SGO2: variants seen among roughly 807,000 people sequenced by gnomAD.
The protein encoded by SGO2 is shugoshin-like 2.
SGO2 carries 68 observed loss-of-function variants against 99.5 expected under a neutral mutation model. The observed-to-expected ratio is 0.68, with a 90% CI of 0.56 to 0.84. The LOEUF is 0.84. SGO2 is among the 40% of genes least tolerant of loss of function. SGO2 has a pLI of 0.00. For missense variants in SGO2, 1,350 were observed against 1,436.7 expected, an observed-to-expected ratio of 0.94 and a Z score of 0.97; for synonymous variants, 457 against 487.1, an observed-to-expected ratio of 0.94 and a Z score of 0.81.
At chr2:200,577,802 C>A (rs1047355243) in intron 8 of SGO2, among the ~76,000 whole-genome samples, 1 of 151,974 alleles carries the variant, frequency 6.6e-6, no homozygotes, top group South Asian at 2.1e-4. Flanking sequence ...GCTTTTTTGG[C>A]AAATATTTCA....
At position 200,572,471 on chromosome 2, in the gene SGO2, A is replaced by C. The variant is rs1302953404; in HGVS notation, c.2125A>C (p.Asn709His). 3.7e-6 allele frequency: 6 copies of C among 1,613,166 alleles called. No individual in the cohort carries two copies. Among genetic ancestry groups the C allele is most frequent in the Non-Finnish European group, 5.1e-6 (6 of 1,179,404 alleles). The change falls in exon 7 of 9, where the codon AAT becomes CAT. Residue 709 changes from asparagine (N) to histidine (H), a missense_variant. Physicochemically the swap from Asn to His is moderately conservative, Grantham distance 68 (BLOSUM62 1). Transcript: ENST00000357799. ...CGTTCAGCAAAATGAATCAAAAGTT[A>C]ATAAGAAGCTTAGGCAGAAAGTAAA... is the stretch of plus-strand genomic sequence containing the variant. ...YPVQQNESKVNKKLRQKVNRK... is the reference protein window; with the variant it reads ...YPVQQNESKVHKKLRQKVNRK...
intron 5 of SGO2, among the ~76,000 whole-genome samples, chr2:200,560,235 G>A (rs1460517837): frequency 6.6e-6 from 1 of 152,128 alleles, no homozygotes. Context: ...ATACATTTAG[G>A]ACTGATTTGT....
chr2:200,539,752 A>T (rs1393844088), intron 4 of SGO2, among the ~76,000 whole-genome samples: 3 of 152,136 alleles, frequency 2.0e-5, no homozygotes, highest in African/African-American at 7.2e-5. Context: ...GTCTCTATCA[A>T]GTTTGGAAAA....
At position 200,570,478 on chromosome 2, in the gene SGO2, A is replaced by ATGTGTGTGTGTG. The variant is rs71022323; in HGVS notation, c.704-551_704-540dup. ...TTAGAATTGTTTTTCCTTTCTGAAA[A>ATGTGTGTGTGTG]TGTGTGTGTGTGTGTGTGTGTGTGT... On this transcript the variant is annotated intron_variant, in intron 6 of 8. Coordinates refer to ENST00000357799, the MANE Select transcript of SGO2 (RefSeq NM_152524.6). The surrounding 1 kb of genome is among the most constrained non-coding windows in gnomAD (Gnocchi z 4.4). 0.021 allele frequency among the ~76,000 whole-genome samples: 2,997 copies of ATGTGTGTGTGTG among 142,782 alleles called. 109 individuals are homozygous for ATGTGTGTGTGTG. Among genetic ancestry groups the ATGTGTGTGTGTG allele is most frequent in the African/African-American group, 0.068 (2,630 of 38,572 alleles). 93.7% of individuals were successfully genotyped at this position (142,782 alleles called of 152,430 possible). A position where few individuals can be genotyped will look rare whatever the true frequency, so the allele number is the denominator to read the frequency against.
chr2:200,548,920 A>G (rs2032351268), intron 5 of SGO2, among the ~76,000 whole-genome samples: 3 of 152,190 alleles, frequency 2.0e-5, no homozygotes, highest in African/African-American at 7.2e-5. Flanking sequence ...ACAAACCAAT[A>G]ACAAGTAATG....
rs1345055328 is a variant in SGO2 at position 200,575,321 on chromosome 2, A to G, written c.3642A>G (p.Pro1214=). 2 of 1,573,828 alleles carry G rather than the reference A, an allele frequency of 1.3e-6. No homozygotes were observed. Among genetic ancestry groups the G allele is most frequent in the African/African-American group, 1.4e-5 (1 of 73,514 alleles). Residue 1214 remains proline (P), a synonymous_variant, in exon 8 of 9, where the codon CCA becomes CCG. Coordinates refer to ENST00000357799, the MANE Select transcript of SGO2 (RefSeq NM_152524.6). The part of the protein sequence containing the change: ...RTQKSGIGDR[P]LQDLSNTSFV... ...AATATTCTTTTTCAGGTGATAGACC[A>G]TTACAGGACTTGTCAAATACCAGTT...
chr2:200,563,085 T>TC (rs1399363887), intron 5 of SGO2, among the ~76,000 whole-genome samples: 1 of 152,204 alleles, frequency 6.6e-6, no homozygotes, highest in Non-Finnish European at 1.5e-5. Context: ...GGCCAGAACT[T>TC]CCAACACTAT....
intron 5 of SGO2, among the ~76,000 whole-genome samples, chr2:200,546,147 A>G (rs1365926851): frequency 6.6e-6 from 1 of 151,626 alleles, no homozygotes; most frequent in Non-Finnish European, 1.5e-5. Flanking sequence ...GGAGCCAAAA[A>G]GAAGGCAGCA....
At chr2:200,544,718 T>TCTAC (rs778644646) in intron 5 of SGO2, among the ~76,000 whole-genome samples, 38 of 151,818 alleles carry the variant, frequency 2.5e-4, no homozygotes, top group Non-Finnish European at 5.3e-4. Flanking sequence ...TATCTATCTA[T>TCTAC]CTATCTATCT....
chr2:200,544,703 CTA>C (rs2032130884), intron 5 of SGO2, among the ~76,000 whole-genome samples: 2 of 151,844 alleles, frequency 1.3e-5, no homozygotes, highest in South Asian at 2.1e-4. Context: ...ATCTATCTAT[CTA>C]TCTATCTATC....
intron 5 of SGO2, among the ~76,000 whole-genome samples, chr2:200,550,381 C>G (rs112046031): frequency 0.047 from 7,185 of 152,182 alleles, 231 homozygotes; most frequent in Non-Finnish European, 0.069. Flanking sequence ...GCAAAAGACC[C>G]TGAGTAACCA....
At chr2:200,579,297 TATC>T (rs2033762715) in intron 8 of SGO2, among the ~76,000 whole-genome samples, 1 of 152,224 alleles carries the variant, frequency 6.6e-6, no homozygotes, top group Admixed American at 6.5e-5. Flanking sequence ...TATAGTATGA[TATC>T]ATCTGAAAAT....
chr2:200,548,852 A>G (rs1017252987), intron 5 of SGO2, among the ~76,000 whole-genome samples: 2 of 152,368 alleles, frequency 1.3e-5, no homozygotes, highest in Admixed American at 1.3e-4. Context: ...AGAAATGAAT[A>G]CATTTTTGGA....
chr2:200,539,744 C>T (rs1029522644), intron 4 of SGO2, among the ~76,000 whole-genome samples: 2 of 152,016 alleles, frequency 1.3e-5, no homozygotes, highest in African/African-American at 4.8e-5. Flanking sequence ...AGGTTGATGT[C>T]TCTATCAAGT....
At chr2:200,558,661 T>A (rs1278408595) in intron 5 of SGO2, among the ~76,000 whole-genome samples, 14 of 152,068 alleles carry the variant, frequency 9.2e-5, no homozygotes, top group Admixed American at 9.2e-4. Flanking sequence ...ATTTATAGTA[T>A]GCCGGTCACT....
At chr2:200,579,561 T>C (rs2033769868) in intron 8 of SGO2, among the ~76,000 whole-genome samples, 1 of 152,214 alleles carries the variant, frequency 6.6e-6, no homozygotes, top group Non-Finnish European at 1.5e-5. Flanking sequence ...TGAGTGTTTT[T>C]ATCATGAATG....
At chr2:200,559,549 C>T (rs879883450) in intron 5 of SGO2, among the ~76,000 whole-genome samples, 1 of 152,012 alleles carries the variant, frequency 6.6e-6, no homozygotes. Context: ...AAAAAATAAG[C>T]ATTTAAGGTT....
chr2:200,572,269 A>T lies in SGO2; in HGVS notation c.1923A>T (p.Leu641=), dbSNP rs2033457224. Residue 641 remains leucine, a synonymous_variant, in exon 7 of 9, where the codon CTA becomes CTT. Transcript: ENST00000357799. ...EDNDKDVVHG[L]KKGNFFFKTQ... is the part of the protein sequence containing the mutation. The stretch of plus-strand genomic sequence containing the variant: ...ATGATAAAGATGTGGTGCATGGCCT[A>T]AAAAAAGGTAATTTTTTTTTCAAAA... 1.9e-6 allele frequency: 3 copies of T among 1,610,198 alleles called. No homozygotes were observed. The highest frequency in any genetic ancestry group is 1.7e-5 in the Admixed American group (1 of 59,426).
At chr2:200,537,017 T>C (rs1394619066) in intron 4 of SGO2, among the ~76,000 whole-genome samples, 2 of 152,120 alleles carry the variant, frequency 1.3e-5, no homozygotes, top group Non-Finnish European at 2.9e-5. Context: ...AAAGATAGCA[T>C]GCTATACCAG....
Sources: allele counts gnomAD v4.1 joint callset (sites outside exome capture counted in the v4.1 genomes callset), GRCh38; gene constraint gnomAD v4.1.1; non-coding constraint Gnocchi (gnomAD v3.1); transcripts MANE v1.5; gene names NCBI Gene and HGNC (gene_info 2026-07-23, HGNC 2026-07-21).